MDM4: variants seen among roughly 807,000 people sequenced by gnomAD.
MDM4 encodes the protein MDM4 regulator of p53.
In MDM4, 2 loss-of-function variants were observed where a neutral mutation model predicts 60.2. That is an observed-to-expected ratio of 0.03 (90% CI 0.01 to 0.10). The LOEUF is 0.10. Ranked by LOEUF, MDM4 falls within the 10% of genes least tolerant of loss-of-function variation. The pLI, the probability that MDM4 is intolerant of heterozygous loss-of-function variation, is 1.00. For missense variants in MDM4, 447 were observed against 577.5 expected (o/e 0.77, Z 2.32); for synonymous variants, 202 against 198.1 (o/e 1.02, Z -0.17).
At chr1:204,530,624 T>C (rs1462776550) in intron 3 of MDM4, 60 bp from the exon 4 acceptor site, 5 of 1,596,616 alleles carry the variant, frequency 3.1e-6, no homozygotes. Context: ...CCTCCTCTAA[T>C]GAATTTGTGT....
rs1488713682 is a variant in MDM4 at position 204,552,858 on chromosome 1, ATTTC to A, written c.*3180_*3183del. 1 of 144,144 alleles carries A rather than the reference ATTTC, an allele frequency of 6.9e-6. No homozygotes were observed. The highest frequency in any genetic ancestry group is 1.5e-5 in the Non-Finnish European group (1 of 68,762). 8.9% of individuals were successfully genotyped at this position (144,144 alleles called of 1,614,324 possible). On this transcript the variant is annotated 3_prime_UTR_variant, in exon 11 of 11. Coordinates refer to ENST00000367182, the MANE Select transcript of MDM4 (RefSeq NM_002393.5). Reference sequence around the variant, plus strand: ...CTTTACTTGTAGGAAACTTTAAACTATTTCTTTTCTTTTCTTTTTTTTTTTTTTT... The same window carrying A: ...CTTTACTTGTAGGAAACTTTAAACTATTTTCTTTTCTTTTTTTTTTTTTTT...
In MDM4 at chr1:204,556,797, GT is replaced by G. The variant is rs201613073; in HGVS notation, c.*7124del. 143 of 211,126 alleles carry G rather than the reference GT, an allele frequency of 6.8e-4. No individual in the cohort carries two copies. The highest frequency in any genetic ancestry group is 1.5e-3 in the African/African-American group (67 of 43,918). The allele number at this position is 211,126 out of a possible 1,614,324, so 13.1% of individuals were successfully genotyped here. On this transcript the variant is annotated 3_prime_UTR_variant, in exon 11 of 11. Transcript: ENST00000367182. Reference sequence around the variant, plus strand: ...ATGAGAATCGAAGTGTTTCTTTTGGGTTTTTTTTTCCCCCTTTTAAAATCAA... The same window carrying G: ...ATGAGAATCGAAGTGTTTCTTTTGGGTTTTTTTTCCCCCTTTTAAAATCAA...
At chr1:204,546,574 GT>G (rs919321157) in intron 9 of MDM4, among the ~76,000 whole-genome samples, 37 of 152,118 alleles carry the variant, frequency 2.4e-4, no homozygotes, top group Admixed American at 9.8e-4. Flanking sequence ...AATTTATTTG[GT>G]AACTCTTCTG....
At position 204,557,073 on chromosome 1, in the gene MDM4, A is replaced by C. The variant is rs989847496; in HGVS notation, c.*7391A>C. 8 of 199,626 alleles carry C rather than the reference A, an allele frequency of 4.0e-5. No individual in the cohort carries two copies. Among genetic ancestry groups the C allele is most frequent in the Non-Finnish European group, 7.2e-5 (7 of 96,658 alleles). The allele number at this position is 199,626 out of a possible 1,614,324, so 12.4% of individuals were successfully genotyped here. A position where few individuals can be genotyped will look rare whatever the true frequency, so the allele number is the denominator to read the frequency against. ...ACCTCATCATTTGTTGTAGGGATTA[A>C]ATCCGGGAGAGCAATTCTGAAGCCT... On this transcript the variant is annotated 3_prime_UTR_variant, in exon 11 of 11. Transcript: ENST00000367182.
At position 204,534,592 on chromosome 1, in the gene MDM4, GTCC is replaced by G. The variant is rs1661202607; in HGVS notation, c.343+2350_343+2352del. 7.9e-5 allele frequency among the ~76,000 whole-genome samples: 12 copies of G among 152,096 alleles called. No homozygotes were observed. The South Asian group carries it at 2.3e-3, about 29-fold the overall frequency. On this transcript the variant is annotated intron_variant, in intron 5 of 10. Coordinates refer to ENST00000367182, the MANE Select transcript of MDM4 (RefSeq NM_002393.5). ...AACCTCCGCCTCCGTGGCACAAGCA[GTCC>G]TCCCACCTCAGCCTCCTCAGTAGCT...
intron 1 of MDM4, among the ~76,000 whole-genome samples, chr1:204,520,566 T>C (rs538904814): frequency 2.6e-5 from 4 of 152,092 alleles, no homozygotes; most frequent in Non-Finnish European, 4.4e-5. Context: ...GATCAGAGTC[T>C]TAGTTTGTGG....
chr1:204,533,275 A>G (rs920480614), intron 5 of MDM4, among the ~76,000 whole-genome samples: 1 of 152,196 alleles, frequency 6.6e-6, no homozygotes, highest in African/African-American at 2.4e-5. Flanking sequence ...AAATAATGAA[A>G]CTTTTTCCCT....
intron 5 of MDM4, chr1:204,537,046 CT>C (rs4252704): frequency 0.17 from 42,992 of 253,474 alleles, 4,294 homozygotes; most frequent in East Asian, 0.38. Flanking sequence ...GCCATACACT[CT>C]TTTCCTTTTG....
intron 3 of MDM4, among the ~76,000 whole-genome samples, chr1:204,528,503 A>C (rs577222454): frequency 6.6e-6 from 1 of 152,220 alleles, no homozygotes; most frequent in Non-Finnish European, 1.5e-5. Flanking sequence ...CACTGGCATC[A>C]GGGTGGAGCT....
intron 5 of MDM4, among the ~76,000 whole-genome samples, chr1:204,533,782 C>T (rs79304791): frequency 2.2e-5 from 3 of 139,242 alleles, no homozygotes; most frequent in Non-Finnish European, 3.1e-5. Context: ...TTTTCTTTTT[C>T]TTTTTTTTTT....
intron 7 of MDM4, 73 bp from the exon 8 acceptor site, chr1:204,542,711 T>C: frequency 8.7e-7 from 1 of 1,147,382 alleles, no homozygotes; most frequent in Non-Finnish European, 1.2e-6. Context: ...AAAGAAGTTT[T>C]AAGTATTCTA....
rs761276141 is a variant in MDM4, at chr1:204,549,679, A to G, written c.1470A>G (p.Ala490=). ...EIQLVIKVFI[A] ...AGCTGGTTATTAAGGTTTTTATAGC[A>G]TAATGGTAGTACGAACATAAAAATG... The change falls in exon 11 of 11, where the codon GCA becomes GCG. Residue 490 remains alanine (A), a synonymous_variant. Transcript: ENST00000367182. 3.3e-6 allele frequency: 5 copies of G among 1,504,404 alleles called. No homozygotes were observed. The highest frequency in any genetic ancestry group is 2.6e-5 in the South Asian group (2 of 78,262). The allele number at this position is 1,504,404 out of a possible 1,614,324, so 93.2% of individuals were successfully genotyped here.
rs113517409 is a variant in MDM4 at position 204,535,815 on chromosome 1, A to C, written c.344-1615A>C. 8.7e-3 allele frequency among the ~76,000 whole-genome samples: 1,331 copies of C among 152,116 alleles called. 22 individuals are homozygous for C. The highest frequency in any genetic ancestry group is 0.031 in the African/African-American group (1,274 of 41,530). ...CTCGACCTCCCAAAGTTCTGGGATT[A>C]CAGGCGTGAGCCACCACACCCGGCT... is the stretch of plus-strand genomic sequence containing the variant. On this transcript the variant is annotated intron_variant, in intron 5 of 10. Coordinates refer to ENST00000367182, the MANE Select transcript of MDM4 (RefSeq NM_002393.5).
rs747726912 is a variant in MDM4 at position 204,554,519 on chromosome 1, G to A, written c.*4837G>A. 56 of 224,316 alleles carry A rather than the reference G, an allele frequency of 2.5e-4. 1 individual carries two copies. Among genetic ancestry groups the A allele is most frequent in the Admixed American group, 5.7e-4 (10 of 17,470 alleles). The allele number at this position is 224,316 out of a possible 1,614,324, so 13.9% of individuals were successfully genotyped here. ...CGGTAAGCTGTCTCATGTACCAAAC[G>A]TGAAATTTACAGTGTTTACAAATGT... On this transcript the variant is annotated 3_prime_UTR_variant, in exon 11 of 11. Coordinates refer to ENST00000367182, the MANE Select transcript of MDM4 (RefSeq NM_002393.5).
chr1:204,526,338 ATTTAT>A lies in MDM4; in HGVS notation c.79-16_79-12del, dbSNP rs917913392. ...AACCTACTTGAAATGTAAATAGCAC[ATTTAT>A]TTTATGTTTATATCAGGTACGACCA... On this transcript the variant is annotated splice_polypyrimidine_tract_variant and intron_variant, in intron 2 of 10. Transcript: ENST00000367182. The A allele has an allele frequency of 5.6e-6, 9 of 1,597,476 alleles. No homozygotes were observed. Among genetic ancestry groups the A allele is most frequent in the Admixed American group, 1.7e-5 (1 of 59,636 alleles).
chr1:204,516,617 G>T (rs1162193814), intron 1 of MDM4, 108 bp downstream of exon 1: 1 of 152,292 alleles, frequency 6.6e-6, no homozygotes, highest in Non-Finnish European at 1.5e-5. Context: ...AGGAGCTTGA[G>T]AGGTGGGTCG....
intron 8 of MDM4, among the ~76,000 whole-genome samples, chr1:204,543,834 T>C (rs4252723): frequency 1.5e-4 from 23 of 152,262 alleles, no homozygotes; most frequent in Admixed American, 1.2e-3. Flanking sequence ...ATGTGTTGTC[T>C]GTTTACCACT....
intron 4 of MDM4, 141 bp downstream of exon 4, chr1:204,530,958 A>G: frequency 1.2e-5 from 13 of 1,062,508 alleles, no homozygotes; most frequent in East Asian, 2.5e-5. Context: ...GGCACTGAGA[A>G]TATGGTAATG....
chr1:204,523,473 ATTTTTTTTTT>A (rs60954516), intron 1 of MDM4, among the ~76,000 whole-genome samples: 19 of 58,968 alleles, frequency 3.2e-4, no homozygotes, highest in African/African-American at 1.2e-3. Flanking sequence ...CCTAAAAAAA[ATTTTTTTTTT>A]TTTTTTTTTT....
Sources: gnomAD v4.1 joint callset for allele counts (sites outside exome capture counted in the v4.1 genomes callset) on GRCh38, gnomAD v4.1.1 for gene constraint, MANE v1.5 for transcripts, NCBI Gene and HGNC (gene_info 2026-07-23, HGNC 2026-07-21) for gene names.